The following ZFR variants were observed in gnomAD, a reference collection of about 807,000 sequenced individuals.
The protein encoded by ZFR is zinc finger RNA-binding protein.
Under a neutral mutation model 130.7 loss-of-function variants are expected in ZFR, and 19 were observed. The ratio of observed to expected loss-of-function variants is 0.15; its 90% confidence interval spans 0.10 to 0.21. The LOEUF (loss-of-function observed/expected upper bound fraction) is 0.21, where lower values mean the gene tolerates loss of function less well. Among genes scored for constraint, ZFR ranks in the 10% least tolerant of loss-of-function variants. ZFR has a pLI of 1.00. For missense variants in ZFR, 872 were observed against 1,321.5 expected (o/e 0.66, Z 5.27); for synonymous variants, 466 against 456.9 (o/e 1.02, Z -0.25).
At chr5:32,387,030 G>C (rs1753059224) in intron 14 of ZFR, among the ~76,000 whole-genome samples, 1 of 152,050 alleles carries the variant, frequency 6.6e-6, no homozygotes, top group Non-Finnish European at 1.5e-5. Flanking sequence ...GCCATGTTTT[G>C]CTGGATGGAG....
chr5:32,444,214 G>A lies in ZFR; in HGVS notation c.137+15C>T, dbSNP rs202170377. On this transcript the variant is annotated intron_variant, in intron 2 of 19. Transcript: ENST00000265069. ...AGAGCAAGGGGCGAACAGAGAGAAGGCAGGATGCCGTTACCTATATTGGGC... is the reference window on the plus strand; with the variant it reads ...AGAGCAAGGGGCGAACAGAGAGAAGACAGGATGCCGTTACCTATATTGGGC... 6.6e-5 allele frequency: 105 copies of A among 1,595,848 alleles called. No individual in the cohort carries two copies. The African/African-American group carries it at 1.1e-3, about 17-fold the overall frequency.
At chr5:32,398,926 C>T (rs1190814243) in intron 9 of ZFR, among the ~76,000 whole-genome samples, 1 of 151,986 alleles carries the variant, frequency 6.6e-6, no homozygotes, top group Non-Finnish European at 1.5e-5. Flanking sequence ...CTGTGCCTGG[C>T]CATCCATAGA....
chr5:32,380,281 G>T lies in ZFR; in HGVS notation c.2642-109C>A, dbSNP rs369976780. On this transcript the variant is annotated intron_variant, in intron 15 of 19. Transcript: ENST00000265069. ...TGTCACATGAGCCATTTGAGAGCTTGTTGGCACTTTAATATATCCACGGAG... is the reference window on the plus strand; with the variant it reads ...TGTCACATGAGCCATTTGAGAGCTTTTTGGCACTTTAATATATCCACGGAG... The T allele has an allele frequency of 4.7e-5, 31 of 661,312 alleles. No individual in the cohort carries two copies. The African/African-American group carries it at 5.3e-4, about 11-fold the overall frequency. The allele number at this position is 661,312 out of a possible 1,614,324, so 41.0% of individuals were successfully genotyped here. A position where few individuals can be genotyped will look rare whatever the true frequency, so the allele number is the denominator to read the frequency against.
At position 32,440,737 on chromosome 5, in the gene ZFR, C is replaced by A. The variant is rs1581721585; in HGVS notation, c.137+3492G>T. Among the ~76,000 whole-genome samples, 3 of 151,944 alleles carry A rather than the reference C, an allele frequency of 2.0e-5. No homozygotes were observed. In the East Asian group the frequency reaches 5.8e-4, roughly 29 times the overall value. Reference sequence around the variant, plus strand: ...AGAACACAAGACTGAGAAACGCTTACCACAAAATTGTCTAATATGCATGAA... The same window carrying A: ...AGAACACAAGACTGAGAAACGCTTAACACAAAATTGTCTAATATGCATGAA... On this transcript the variant is annotated intron_variant, in intron 2 of 19. Coordinates refer to ENST00000265069, the MANE Select transcript of ZFR (RefSeq NM_016107.5).
In ZFR at chr5:32,388,792, T is replaced by C. The variant is rs1233662832; in HGVS notation, c.2143-118A>G. 4.0e-6 allele frequency: 4 copies of C among 1,004,828 alleles called. No individual in the cohort carries two copies. The East Asian group carries it at 7.9e-5, about 20-fold the overall frequency. The allele number at this position is 1,004,828 out of a possible 1,614,324, so 62.2% of individuals were successfully genotyped here. A position where few individuals can be genotyped will look rare whatever the true frequency, so the allele number is the denominator to read the frequency against. ...CAATAAGAAAGCCTTTATCTTCTTT[T>C]TTCCATTTCAGTAAAAACGAAAATG... is the stretch of plus-strand genomic sequence containing the variant. On this transcript the variant is annotated intron_variant, in intron 12 of 19. Coordinates refer to ENST00000265069, the MANE Select transcript of ZFR (RefSeq NM_016107.5).
At chr5:32,367,695 A>C (rs1314315006) in intron 17 of ZFR, among the ~76,000 whole-genome samples, 1 of 152,170 alleles carries the variant, frequency 6.6e-6, no homozygotes, top group African/African-American at 2.4e-5. Flanking sequence ...ATTACAGGCC[A>C]AAGTGATGAG....
rs759869748 is a variant in ZFR, at chr5:32,390,333, C to A, written c.2084G>T (p.Gly695Val). The change falls in exon 12 of 20, where the codon GGC (glycine) becomes GTC (valine). Residue 695 changes from glycine to valine, a missense_variant. Physicochemically the swap from Gly to Val is moderately radical, Grantham distance 109. Around this residue, in one of 7 missense-constraint regions of ZFR, gnomAD observed 225 missense variants for 282.4 expected, o/e 0.80. Coordinates refer to ENST00000265069, the MANE Select transcript of ZFR (RefSeq NM_016107.5). Reference protein sequence around the residue: ...PDGGYPHGPPGPLGLLGVRPG... With the variant: ...PDGGYPHGPPVPLGLLGVRPG... Reference sequence around the variant, plus strand: ...TCGGACTCCCAGAAGGCCTAATGGGCCTGGAGGACCATGAGGATAACCTCC... The same window carrying A: ...TCGGACTCCCAGAAGGCCTAATGGGACTGGAGGACCATGAGGATAACCTCC... The A allele has an allele frequency of 6.2e-7, 1 of 1,614,162 alleles. No homozygotes were observed. The highest frequency in any genetic ancestry group is 8.5e-7 in the Non-Finnish European group (1 of 1,180,020).
At chr5:32,394,472 T>C (rs2111748351) in intron 11 of ZFR, 1 of 167,330 alleles carries the variant, frequency 6.0e-6, no homozygotes. Flanking sequence ...ATTAACCTAA[T>C]ATGACTCCAT....
intron 10 of ZFR, among the ~76,000 whole-genome samples, chr5:32,396,387 C>T (rs1432362508): frequency 6.6e-6 from 1 of 152,024 alleles, no homozygotes; most frequent in African/African-American, 2.4e-5. Context: ...TTAATTTTCA[C>T]CTCCTCCGTG....
chr5:32,391,523 CTCT>C (rs1405595747), intron 11 of ZFR, among the ~76,000 whole-genome samples: 316 of 109,870 alleles, frequency 2.9e-3, no homozygotes, highest in African/African-American at 8.3e-3. Flanking sequence ...GCGAAATCTA[CTCT>C]TTTTTTTTTT....
At chr5:32,415,649 A>G (rs1311762957) in intron 4 of ZFR, among the ~76,000 whole-genome samples, 2 of 152,200 alleles carry the variant, frequency 1.3e-5, no homozygotes, top group Admixed American at 6.5e-5. Context: ...AAACTTGTTC[A>G]TATACCATTC....
At chr5:32,434,330 T>C (rs1754286995) in intron 2 of ZFR, among the ~76,000 whole-genome samples, 1 of 152,248 alleles carries the variant, frequency 6.6e-6, no homozygotes, top group Non-Finnish European at 1.5e-5. Flanking sequence ...ACATTATCAT[T>C]GGTCTAGAGC....
intron 6 of ZFR, among the ~76,000 whole-genome samples, chr5:32,404,917 T>C (rs1415355595): frequency 6.6e-6 from 1 of 152,080 alleles, no homozygotes; most frequent in Admixed American, 6.6e-5. Context: ...CCCAGGCTCA[T>C]GTGATCCTCC....
At chr5:32,416,056 C>A (rs1753819793) in intron 4 of ZFR, among the ~76,000 whole-genome samples, 1 of 151,940 alleles carries the variant, frequency 6.6e-6, no homozygotes, top group Non-Finnish European at 1.5e-5. Flanking sequence ...ACCTCAAACT[C>A]CTGGACTCAA....
chr5:32,403,233 C>T lies in ZFR; in HGVS notation c.1389G>A (p.Thr463=), dbSNP rs769091767. ...TAGTCGTAAGACCCTTCATTGAAGA[C>T]GTTGCAACTGATGACGTATTCACAG... ...NCTVNTSSVA[T]SSMKGLTTTG... is the part of the protein sequence containing the mutation. The change falls in exon 8 of 20, where the codon ACG becomes ACA. Residue 463 remains threonine (T), a synonymous_variant. Coordinates refer to ENST00000265069, the MANE Select transcript of ZFR (RefSeq NM_016107.5). 21 of 1,614,038 alleles carry T rather than the reference C, an allele frequency of 1.3e-5. No homozygotes were observed. Among genetic ancestry groups the T allele is most frequent in the Middle Eastern group, 1.6e-4 (1 of 6,084 alleles).
intron 9 of ZFR, 119 bp from the exon 10 acceptor site, chr5:32,397,457 A>AT (rs796697636): frequency 0.014 from 16,944 of 1,173,902 alleles, 1 homozygote; most frequent in South Asian, 0.018. Context: ...TGTCTATTAC[A>AT]TTTTTTTTTT....
At chr5:32,389,013 GCCAA>G (rs2111732916) in intron 12 of ZFR, among the ~76,000 whole-genome samples, 1 of 152,276 alleles carries the variant, frequency 6.6e-6, no homozygotes, top group South Asian at 2.1e-4. Flanking sequence ...TCTTACAACT[GCCAA>G]CCCTCTGAGC....
intron 12 of ZFR, among the ~76,000 whole-genome samples, chr5:32,388,901 G>A (rs1753099815): frequency 6.6e-6 from 1 of 152,084 alleles, no homozygotes; most frequent in Non-Finnish European, 1.5e-5. Context: ...CTCAAAACAA[G>A]TAACATTTCT....
chr5:32,406,697 A>G, intron 6 of ZFR, 77 bp downstream of exon 6: 1 of 1,483,506 alleles, frequency 6.7e-7, no homozygotes, highest in Non-Finnish European at 8.9e-7. Context: ...AACCTCTTTT[A>G]GTAGGCTCAG....
Sources: gnomAD v4.1 joint callset for allele counts (sites outside exome capture counted in the v4.1 genomes callset) on GRCh38, gnomAD v4.1.1 for gene constraint, gnomAD v4.1.1 regional missense constraint, MANE v1.5 for transcripts, NCBI Gene and HGNC (gene_info 2026-07-23, HGNC 2026-07-21) for gene names.